Variants in CUX1 observed in about 807,000 individuals in gnomAD.
The protein encoded by CUX1 is cut like homeobox 1.
Under a neutral mutation model 158.8 loss-of-function variants are expected in CUX1, and 31 were observed. The observed-to-expected ratio is 0.20, with a 90% confidence interval of 0.15 to 0.26. The LOEUF is 0.26. Among genes scored for constraint, CUX1 ranks in the 10% least tolerant of loss-of-function variants. The pLI, the probability that CUX1 is intolerant of heterozygous loss-of-function variation, is 1.00. For synonymous variants in CUX1, 879 were observed against 862.1 expected, an observed-to-expected ratio of 1.02 and a Z score of -0.34; for missense variants, 1,589 against 2,014.6, an observed-to-expected ratio of 0.79 and a Z score of 4.04.
chr7:102,098,807 A>ATTTT (rs112048598), intron 5 of CUX1, among the ~76,000 whole-genome samples: 4 of 67,998 alleles, frequency 5.9e-5, no homozygotes, highest in Admixed American at 2.0e-4. Flanking sequence ...CGCCCAACTA[A>ATTTT]TTTTTTTTTT....
chr7:102,191,225 A>G (rs577785979), intron 12 of CUX1, among the ~76,000 whole-genome samples: 2 of 151,990 alleles, frequency 1.3e-5, no homozygotes, highest in African/African-American at 4.8e-5. Context: ...TAACTTACTT[A>G]CTTGCTTGCT....
intron 20 of CUX1, among the ~76,000 whole-genome samples, chr7:102,223,636 G>C (rs1798052553): frequency 6.6e-6 from 1 of 152,016 alleles, no homozygotes; most frequent in Non-Finnish European, 1.5e-5. Context: ...AAACAACAAG[G>C]CTTTGCTCTG....
chr7:101,963,129 C>T (rs148704320), intron 2 of CUX1, among the ~76,000 whole-genome samples: 11 of 152,356 alleles, frequency 7.2e-5, no homozygotes, highest in African/African-American at 2.6e-4. Context: ...TCTGATGCCA[C>T]TTGTCACCTT....
exon 23 of CUX1, chr7:102,283,277 G>T (rs894426512): frequency 3.3e-6 from 2 of 605,736 alleles, no homozygotes; most frequent in South Asian, 3.7e-5. Flanking sequence ...CATCAGGCCC[G>T]CTAGGTCCAG....
intron 18 of CUX1, among the ~76,000 whole-genome samples, chr7:102,279,406 A>G (rs1458944825): frequency 6.6e-6 from 1 of 152,210 alleles, no homozygotes; most frequent in East Asian, 1.9e-4. Context: ...AAAAGCAACC[A>G]AGAGAGTGGA....
Position 102,115,209 on chromosome 7 carries a change from C to G in CUX1, c.610C>G (p.Leu204Val). ...GTTAGTAATTCTTTGCCTTTCAGCC[C>G]TGGAAAAAACTCGAACAGAATTATT... is the stretch of plus-strand genomic sequence containing the variant. ...EHKVQSLQTA[L>V]EKTRTELFDL... The change falls in exon 8 of 24, where the codon CTG (leucine) becomes GTG (valine). Residue 204 changes from leucine to valine, a missense_variant and splice_region_variant. Leu to Val is a conservative substitution (Grantham distance 32). Around this residue, in one of 8 missense-constraint regions of CUX1, gnomAD observed 515 missense variants for 574.4 expected, o/e 0.90. Transcript: ENST00000292535. 1 of 1,609,924 alleles carries G rather than the reference C, an allele frequency of 6.2e-7. No individual in the cohort carries two copies.
chr7:102,106,806 C>T (rs1830408468), intron 6 of CUX1, among the ~76,000 whole-genome samples: 1 of 152,222 alleles, frequency 6.6e-6, no homozygotes, highest in Non-Finnish European at 1.5e-5. Flanking sequence ...AGCCCTACCA[C>T]CAGCTCGCCT....
At chr7:101,939,981 T>G (rs1807502439) in intron 2 of CUX1, among the ~76,000 whole-genome samples, 1 of 151,574 alleles carries the variant, frequency 6.6e-6, no homozygotes, top group African/African-American at 2.4e-5. Flanking sequence ...CTTGAGAGCC[T>G]GAGGCAGAGA....
intron 11 of CUX1, among the ~76,000 whole-genome samples, chr7:102,178,909 G>C (rs1322030745): frequency 6.6e-6 from 1 of 152,168 alleles, no homozygotes; most frequent in African/African-American, 2.4e-5. Context: ...CTGTTGCCCA[G>C]GCTAGAGCAC....
intron 2 of CUX1, among the ~76,000 whole-genome samples, chr7:101,966,003 G>T (rs1372721060): frequency 2.6e-5 from 4 of 152,070 alleles, no homozygotes. Context: ...TAGAACAGTG[G>T]GTTTCTGGAT....
chr7:102,055,907 A>G (rs1337363863), intron 3 of CUX1, among the ~76,000 whole-genome samples: 1 of 152,182 alleles, frequency 6.6e-6, no homozygotes, highest in Non-Finnish European at 1.5e-5. Context: ...AATGATAAGA[A>G]AGCCTTATTT....
chr7:101,990,709 T>G (rs1022414515), intron 2 of CUX1, among the ~76,000 whole-genome samples: 3 of 152,056 alleles, frequency 2.0e-5, no homozygotes, highest in Non-Finnish European at 4.4e-5. Flanking sequence ...AAAAAGTACA[T>G]GGGATAAATG....
rs184666441 is a variant in CUX1, at chr7:102,226,695, A to G, written c.3131-672A>G. ...ACCCAGGCTGGAGTGCAGTGGCACA[A>G]TCTTGGCTCACTGCAACCTCCACCT... On this transcript the variant is annotated intron_variant, in intron 20 of 23. Transcript: ENST00000292535. Among the ~76,000 whole-genome samples, 139 of 152,194 alleles carry G rather than the reference A, an allele frequency of 9.1e-4. 1 individual carries two copies. Among genetic ancestry groups the G allele is most frequent in the African/African-American group, 3.3e-3 (135 of 41,534 alleles).
chr7:102,108,006 C>T (rs143904257), intron 6 of CUX1, among the ~76,000 whole-genome samples: 2 of 152,168 alleles, frequency 1.3e-5, no homozygotes, highest in East Asian at 1.9e-4. Context: ...CCCGTTGATA[C>T]GGATTTGGTC....
chr7:102,014,163 A>G (rs1818336572), intron 2 of CUX1, among the ~76,000 whole-genome samples: 1 of 152,318 alleles, frequency 6.6e-6, no homozygotes, highest in African/African-American at 2.4e-5. Context: ...TCTCCTGGGC[A>G]GCAAGCTCAC....
intron 1 of CUX1, among the ~76,000 whole-genome samples, chr7:101,858,109 C>T (rs141219894): frequency 6.1e-4 from 93 of 152,254 alleles, no homozygotes; most frequent in African/African-American, 2.2e-3. Context: ...GGCAACAGAG[C>T]GAGACTCTGT....
intron 2 of CUX1, among the ~76,000 whole-genome samples, chr7:101,976,339 T>C (rs927181971): frequency 1.1e-4 from 17 of 152,216 alleles, no homozygotes; most frequent in Admixed American, 4.6e-4. Context: ...ATCTGTTTTT[T>C]CCCCCAGGCA....
chr7:101,991,266 C>T (rs1390702467), intron 2 of CUX1, among the ~76,000 whole-genome samples: 1 of 152,200 alleles, frequency 6.6e-6, no homozygotes, highest in African/African-American at 2.4e-5. Context: ...CCACCACCGT[C>T]GTGGGCAGCA....
chr7:102,229,676 G>C (rs1223852777), intron 21 of CUX1, among the ~76,000 whole-genome samples: 1 of 135,744 alleles, frequency 7.4e-6, no homozygotes, highest in Non-Finnish European at 1.5e-5. Context: ...GGAGTGCAGT[G>C]GCACAATCGC....
Sources: gnomAD v4.1 joint callset for allele counts (sites outside exome capture counted in the v4.1 genomes callset) on GRCh38, gnomAD v4.1.1 for gene constraint, gnomAD v4.1.1 regional missense constraint, MANE v1.5 for transcripts, NCBI Gene and HGNC (gene_info 2026-07-23, HGNC 2026-07-21) for gene names.